The following EXD3 variants were observed in gnomAD, a reference collection of about 807,000 sequenced individuals.
EXD3 encodes the protein exonuclease mut-7 homolog.
Under a neutral mutation model 98.0 loss-of-function variants are expected in EXD3, and 92 were observed. The ratio of observed to expected loss-of-function variants is 0.94; its 90% CI spans 0.79 to 1.12. The LOEUF (loss-of-function observed/expected upper bound fraction) is 1.12. Among genes scored for constraint, EXD3 ranks in the 50% most tolerant of loss-of-function variants. The pLI is 0.00. For missense variants in EXD3, 1,222 were observed against 1,191.6 expected (o/e 1.03, Z -0.38); for synonymous variants, 569 against 526.0 (o/e 1.08, Z -1.12).
At chr9:137,365,822 A>C (rs1835213845) in intron 7 of EXD3, 2 of 351,026 alleles carry the variant, frequency 5.7e-6, no homozygotes, top group South Asian at 4.3e-5. Context: ...CATCATATGC[A>C]CGCAGACATA....
At chr9:137,399,734 G>A (rs1416969787) in intron 1 of EXD3, among the ~76,000 whole-genome samples, 1 of 152,150 alleles carries the variant, frequency 6.6e-6, no homozygotes, top group Admixed American at 6.5e-5. Flanking sequence ...CTTCTTACAT[G>A]GTGGTGGCAA....
intron 17 of EXD3, among the ~76,000 whole-genome samples, chr9:137,330,623 A>AGT (rs1564482457): frequency 9.0e-6 from 1 of 110,672 alleles, no homozygotes; most frequent in African/African-American, 4.2e-5. Flanking sequence ...ACTACACAGG[A>AGT]ACTACACAGG....
chr9:137,317,432 C>T (rs572747096), intron 19 of EXD3, among the ~76,000 whole-genome samples: 8 of 152,194 alleles, frequency 5.3e-5, no homozygotes, highest in Admixed American at 2.6e-4. Context: ...CAGTGGGTCT[C>T]GGCATGCTGC....
In EXD3 at chr9:137,307,216, AG is replaced by A. The variant is rs763809571; in HGVS notation, c.2364del (p.Cys789AlafsTer33). The A allele has an allele frequency of 6.4e-7, 1 of 1,574,798 alleles. No individual in the cohort carries two copies. Among genetic ancestry groups the A allele is most frequent in the South Asian group, 1.2e-5 (1 of 86,866 alleles). ...AGGTCAGCCATCTGCAGCCAGCGGCAGGGGCGGTCATAGGTGCAGCCCTCAG... is the reference window on the plus strand; with the variant it reads ...AGGTCAGCCATCTGCAGCCAGCGGCAGGGCGGTCATAGGTGCAGCCCTCAG... ...AAPEGCTYDRPCRWLQMADLR... is the reference protein window; with the variant it reads ...AAPEGCTYDRXCRWLQMADLR... On this transcript the variant is annotated frameshift_variant, in exon 22 of 22. Coordinates refer to ENST00000340951, the MANE Select transcript of EXD3 (RefSeq NM_017820.5). LOFTEE classifies it low-confidence loss of function (END_TRUNC).
At chr9:137,327,769 G>C (rs58172665) in intron 17 of EXD3, among the ~76,000 whole-genome samples, 1 of 1,232 alleles carries the variant, frequency 8.1e-4, no homozygotes, top group Non-Finnish European at 2.1e-3. Context: ...TACTCCCATA[G>C]GATGAGTAAA....
chr9:137,322,625 A>C (rs1208721320), intron 19 of EXD3, among the ~76,000 whole-genome samples: 1 of 86,740 alleles, frequency 1.2e-5, no homozygotes, highest in Non-Finnish European at 2.3e-5. Context: ...ACCCCGGACC[A>C]CGAGGGATGC....
At chr9:137,422,224 TCA>T (rs1188841641) in intron 1 of EXD3, among the ~76,000 whole-genome samples, 3 of 151,334 alleles carry the variant, frequency 2.0e-5, no homozygotes, top group African/African-American at 7.3e-5. Flanking sequence ...ACTCTGACCC[TCA>T]GATTTTGATA....
At chr9:137,307,699 G>A (rs895331522) in intron 20 of EXD3, 53 bp from the exon 21 acceptor site, 2 of 1,594,456 alleles carry the variant, frequency 1.3e-6, no homozygotes, top group Middle Eastern at 1.7e-4. Context: ...ATGGGGCTTG[G>A]CAGCCAGCGG....
intron 19 of EXD3, among the ~76,000 whole-genome samples, chr9:137,311,831 C>G (rs1005153898): frequency 6.6e-6 from 1 of 152,140 alleles, no homozygotes; most frequent in African/African-American, 2.4e-5. Flanking sequence ...CTTGCTGGAC[C>G]GACTGCCCTG....
chr9:137,307,012 C>T lies in EXD3; in HGVS notation c.2569G>A (p.Glu857Lys), dbSNP rs1412553825. 1.2e-6 allele frequency: 2 copies of T among 1,611,894 alleles called. No homozygotes were observed. Among genetic ancestry groups the T allele is most frequent in the Non-Finnish European group, 1.7e-6 (2 of 1,179,454 alleles). Residue 857 changes from glutamate to lysine, a missense_variant, in exon 22 of 22, where the codon GAG becomes AAG. Glu to Lys is a moderately conservative substitution (Grantham distance 56). Coordinates refer to ENST00000340951, the MANE Select transcript of EXD3 (RefSeq NM_017820.5). ...GGCTCGCAGGGGCTGGGGGCGCTCT[C>T]CAGCATGTCTCGGAAGTGGGTGGCA... ...RVATHFRDML[E>K]SAPSPCEPSP... is the part of the protein sequence containing the mutation.
In EXD3 at chr9:137,351,455, A is replaced by G; in HGVS notation, c.1247T>C (p.Leu416Pro). The G allele has an allele frequency of 6.2e-7, 1 of 1,603,554 alleles. No homozygotes were observed. The highest frequency in any genetic ancestry group is 8.5e-7 in the Non-Finnish European group (1 of 1,176,430). The change falls in exon 13 of 22, where the codon CTC becomes CCC. Residue 416 changes from leucine (L) to proline (P), a missense_variant. Coordinates refer to ENST00000340951, the MANE Select transcript of EXD3 (RefSeq NM_017820.5). Reference protein sequence around the residue: ...FVAGGRPRPSLLQVAVEGHVF... With the variant: ...FVAGGRPRPSPLQVAVEGHVF... ...GTGGCCCTCCACGGCCACCTGCAGG[A>G]GTGACGGCCGAGGCCGGCCCCCAGC...
chr9:137,348,456 G>A (rs1052416417), intron 16 of EXD3, among the ~76,000 whole-genome samples: 2 of 147,458 alleles, frequency 1.4e-5, no homozygotes, highest in Non-Finnish European at 3.0e-5. Flanking sequence ...GGGGCTCCAC[G>A]TGTGTGTCTG....
chr9:137,323,597 C>T (rs114534128), intron 19 of EXD3, 128 bp downstream of exon 19: 14,304 of 1,316,504 alleles, frequency 0.011, 236 homozygotes, highest in African/African-American at 0.023. Flanking sequence ...CCCTGGACCA[C>T]GAGGGATGCT....
rs143312119 is a variant in EXD3 at position 137,373,038 on chromosome 9, G to C, written c.329C>G (p.Ala110Gly). ...SLRLKQLQAR[A>G]VKVLTESPPS... Reference sequence around the variant, plus strand: ...GGGGCTCTCAGTGAGGACTTTGACCGCTCGGGCCTGCAGCTGCTTCAGCCT... The same window carrying C: ...GGGGCTCTCAGTGAGGACTTTGACCCCTCGGGCCTGCAGCTGCTTCAGCCT... Residue 110 changes from alanine (A) to glycine (G), a missense_variant, in exon 5 of 22, where the codon GCG (alanine) becomes GGG (glycine). Ala to Gly is a moderately conservative substitution (Grantham distance 60, BLOSUM62 0). Coordinates refer to ENST00000340951, the MANE Select transcript of EXD3 (RefSeq NM_017820.5). The C allele has an allele frequency of 1.3e-6, 2 of 1,597,956 alleles. No individual in the cohort carries two copies. The highest frequency in any genetic ancestry group is 2.2e-5 in the South Asian group (2 of 89,730).
At chr9:137,416,231 G>T (rs1335344035) in intron 1 of EXD3, among the ~76,000 whole-genome samples, 1 of 152,168 alleles carries the variant, frequency 6.6e-6, no homozygotes, top group East Asian at 1.9e-4. Context: ...GGCTGGCTGG[G>T]TGGCCGCTCC....
chr9:137,381,415 CAAAAA>C (rs61183889), intron 3 of EXD3, among the ~76,000 whole-genome samples: 5,580 of 50,580 alleles, frequency 0.11, 175 homozygotes, highest in African/African-American at 0.18. Flanking sequence ...GACTCCTTCT[CAAAAA>C]AAAAAAAAAA....
In EXD3 at chr9:137,307,599, G is replaced by T. The variant is rs767802727; in HGVS notation, c.2317+9C>A. The T allele has an allele frequency of 6.2e-7, 1 of 1,609,512 alleles. No homozygotes were observed. On this transcript the variant is annotated intron_variant, in intron 21 of 21. Transcript: ENST00000340951. Reference sequence around the variant, plus strand: ...AGCTGTGTCCTTGGTGGGCGGTCCCGGGGCTCACCTGGCTCCTGCACCGCC... The same window carrying T: ...AGCTGTGTCCTTGGTGGGCGGTCCCTGGGCTCACCTGGCTCCTGCACCGCC...
intron 17 of EXD3, among the ~76,000 whole-genome samples, chr9:137,332,648 C>A (rs558452739): frequency 6.6e-6 from 1 of 151,938 alleles, no homozygotes; most frequent in Non-Finnish European, 1.5e-5. Flanking sequence ...TCGAGACCAT[C>A]CTGGCTAAAA....
At chr9:137,352,816 A>C (rs746401115) in intron 10 of EXD3, 30 bp from the exon 11 acceptor site, 1 of 1,569,702 alleles carries the variant, frequency 6.4e-7, no homozygotes, top group African/African-American at 1.4e-5. Flanking sequence ...GAGGATGGAG[A>C]TGGGGACATT....
Sources: allele counts gnomAD v4.1 joint callset (sites outside exome capture counted in the v4.1 genomes callset), GRCh38; gene constraint gnomAD v4.1.1; transcripts MANE v1.5; gene names NCBI Gene and HGNC (gene_info 2026-07-23, HGNC 2026-07-21).